Variants in C8orf88 observed in about 807,000 individuals in gnomAD.
C8orf88 encodes the protein chromosome 8 open reading frame 88.
Under a neutral mutation model 18.4 loss-of-function variants are expected in C8orf88, and 14 were observed. That is an observed-to-expected ratio of 0.76 (90% CI 0.50 to 1.19). C8orf88 has a LOEUF of 1.19. Among genes scored for constraint, C8orf88 ranks in the 50% most tolerant of loss-of-function variants. C8orf88 has a pLI of 0.00. For missense variants in C8orf88, 116 were observed against 134.7 expected, an observed-to-expected ratio of 0.86 and a Z score of 0.69; for synonymous variants, 45 against 42.9, an observed-to-expected ratio of 1.05 and a Z score of -0.19.
chr8:90,984,444 G>A (rs1358205196), intron 1 of C8orf88, among the ~76,000 whole-genome samples: 2 of 152,154 alleles, frequency 1.3e-5, no homozygotes, highest in Non-Finnish European at 2.9e-5. Context: ...AGTGGTGAAA[G>A]ACATTTCACG....
At chr8:90,968,316 C>T (rs1331349013) in intron 4 of C8orf88, among the ~76,000 whole-genome samples, 1 of 151,446 alleles carries the variant, frequency 6.6e-6, no homozygotes, top group Non-Finnish European at 1.5e-5. Context: ...GGTGCCAAGT[C>T]CATTCAATGA....
chr8:90,964,979 T>C (rs1187866549), intron 4 of C8orf88, among the ~76,000 whole-genome samples: 1 of 151,472 alleles, frequency 6.6e-6, no homozygotes, highest in Admixed American at 6.6e-5. Context: ...AAAAAAGACG[T>C]ATAGAAGACA....
At chr8:90,961,787 T>C (rs1035464709) in intron 4 of C8orf88, among the ~76,000 whole-genome samples, 16 of 151,442 alleles carry the variant, frequency 1.1e-4, no homozygotes, top group African/African-American at 3.9e-4. Flanking sequence ...AATATATAGA[T>C]GAAGGGTGTG....
At chr8:90,979,808 A>G (rs151303162) in intron 2 of C8orf88, among the ~76,000 whole-genome samples, 1 of 152,302 alleles carries the variant, frequency 6.6e-6, no homozygotes, top group Non-Finnish European at 1.5e-5. Flanking sequence ...GAATTTCTCC[A>G]AAAGAATAGC....
chr8:90,959,997 T>G (rs189695033), intron 5 of C8orf88, among the ~76,000 whole-genome samples: 1 of 151,540 alleles, frequency 6.6e-6, no homozygotes, highest in East Asian at 1.9e-4. Flanking sequence ...TTATCATCCT[T>G]ATCAGCAATT....
chr8:90,970,998 G>A (rs886751035), intron 4 of C8orf88, 68 bp downstream of exon 4: 15 of 891,828 alleles, frequency 1.7e-5, no homozygotes, highest in African/African-American at 3.5e-5. Context: ...AAGTGATAAA[G>A]TAATATTAAC....
At chr8:90,981,986 C>T (rs1431586316) in intron 1 of C8orf88, among the ~76,000 whole-genome samples, 2 of 151,984 alleles carry the variant, frequency 1.3e-5, no homozygotes, top group Non-Finnish European at 2.9e-5. Flanking sequence ...ATGCTTTATC[C>T]TATTTTTTAA....
chr8:90,971,671 T>C (rs888351019), intron 3 of C8orf88, among the ~76,000 whole-genome samples: 4 of 152,072 alleles, frequency 2.6e-5, no homozygotes, highest in African/African-American at 7.2e-5. Flanking sequence ...TAGAGCTCTA[T>C]GTCTTGAAGA....
At chr8:90,965,083 T>G (rs1811175245) in intron 4 of C8orf88, among the ~76,000 whole-genome samples, 1 of 151,422 alleles carries the variant, frequency 6.6e-6, no homozygotes, top group Non-Finnish European at 1.5e-5. Flanking sequence ...AAGGCAGAGA[T>G]TGGTAGAATG....
At chr8:90,968,142 GA>G (rs551551564) in intron 4 of C8orf88, among the ~76,000 whole-genome samples, 99 of 151,806 alleles carry the variant, frequency 6.5e-4, no homozygotes, top group African/African-American at 1.9e-3. Flanking sequence ...AACAAAGTTA[GA>G]AGACTTACAC....
chr8:90,979,137 T>C (rs190175061), intron 2 of C8orf88, among the ~76,000 whole-genome samples: 1 of 152,182 alleles, frequency 6.6e-6, no homozygotes, highest in African/African-American at 2.4e-5. Flanking sequence ...CTTTTCTGCC[T>C]AATAATTCCC....
intron 4 of C8orf88, among the ~76,000 whole-genome samples, chr8:90,970,140 A>G (rs548462101): frequency 1.6e-4 from 24 of 152,124 alleles, no homozygotes; most frequent in Middle Eastern, 3.4e-3. Context: ...CTAAGCAGTT[A>G]TATTTTACAC....
intron 4 of C8orf88, among the ~76,000 whole-genome samples, chr8:90,969,851 T>C (rs538491167): frequency 2.6e-5 from 4 of 151,518 alleles, no homozygotes; most frequent in African/African-American, 9.7e-5. Flanking sequence ...TATCCCAAGA[T>C]AATAACAAAA....
chr8:90,970,412 T>C (rs1312634929), intron 4 of C8orf88, among the ~76,000 whole-genome samples: 2 of 152,044 alleles, frequency 1.3e-5, no homozygotes, highest in Admixed American at 6.6e-5. Flanking sequence ...CATACATTAA[T>C]TGACAAAAAT....
chr8:90,959,304 A>C (rs1249997280), intron 5 of C8orf88: 1 of 196,522 alleles, frequency 5.1e-6, no homozygotes, highest in Non-Finnish European at 1.0e-5. Flanking sequence ...TAATGTGTAA[A>C]TCACAAGTAA....
chr8:90,978,698 TA>T, intron 2 of C8orf88, 46 bp from the exon 3 acceptor site: 1 of 1,075,276 alleles, frequency 9.3e-7, no homozygotes, highest in Non-Finnish European at 1.3e-6. Flanking sequence ...ATTATTTCAA[TA>T]AATAATATAA....
chr8:90,968,293 G>A (rs1327409888), intron 4 of C8orf88, among the ~76,000 whole-genome samples: 3 of 151,564 alleles, frequency 2.0e-5, no homozygotes, highest in African/African-American at 7.3e-5. Context: ...ATAGTCAACT[G>A]ATTTTCAACA....
At chr8:90,968,441 A>T (rs1219510793) in intron 4 of C8orf88, among the ~76,000 whole-genome samples, 1 of 151,512 alleles carries the variant, frequency 6.6e-6, no homozygotes, top group Middle Eastern at 3.4e-3. Context: ...AAAATAGATA[A>T]AAGACCTAAA....
chr8:90,978,624 G>T lies in C8orf88; in HGVS notation c.102C>A (p.Asn34Lys). The T allele has an allele frequency of 1.3e-6, 2 of 1,528,936 alleles. No individual in the cohort carries two copies. The highest frequency in any genetic ancestry group is 1.2e-5 in the South Asian group (1 of 82,570). 94.7% of individuals were successfully genotyped at this position (1,528,936 alleles called of 1,614,324 possible). Reference sequence around the variant, plus strand: ...TGCACTGAGTGTTGCATGGATATTCGTTTTGAAAGTTGAAAGGGAACACTG... The same window carrying T: ...TGCACTGAGTGTTGCATGGATATTCTTTTTGAAAGTTGAAAGGGAACACTG... ...PGAVFPFNFQ[N>K]EYPCNTQCIQ... The change falls in exon 3 of 6, where the codon AAC becomes AAA. Residue 34 changes from asparagine (N) to lysine (K), a missense_variant. Physicochemically the swap from Asn to Lys is moderately conservative, Grantham distance 94. Coordinates refer to ENST00000517562, the MANE Select transcript of C8orf88 (RefSeq NM_001190972.2).
Sources: gnomAD v4.1 joint callset for allele counts (sites outside exome capture counted in the v4.1 genomes callset) on GRCh38, gnomAD v4.1.1 for gene constraint, MANE v1.5 for transcripts, NCBI Gene and HGNC (gene_info 2026-07-23, HGNC 2026-07-21) for gene names.